PPP4R1: variants seen among roughly 807,000 people sequenced by gnomAD.
The protein encoded by PPP4R1 is protein phosphatase 4 regulatory subunit 1, also known as serine/threonine-protein phosphatase 4 regulatory subunit 1.
A neutral mutation model predicts 111.2 loss-of-function variants in PPP4R1; 42 were observed. The ratio of observed to expected loss-of-function variants is 0.38; its 90% CI spans 0.29 to 0.49. The LOEUF (loss-of-function observed/expected upper bound fraction) is 0.49. Among genes scored for constraint, PPP4R1 ranks in the 20% least tolerant of loss-of-function variants. The probability of loss-of-function intolerance (pLI) is 0.97; values close to 1 mark genes in which losing one functional copy is unlikely to be tolerated. For missense variants in PPP4R1, 1,012 were observed against 1,161.6 expected, an observed-to-expected ratio of 0.87 and a Z score of 1.87; for synonymous variants, 409 against 405.5, an observed-to-expected ratio of 1.01 and a Z score of -0.10.
chr18:9,577,301 G>T, intron 9 of PPP4R1, 110 bp from the exon 10 acceptor site: 1 of 1,192,304 alleles, frequency 8.4e-7, no homozygotes, highest in Non-Finnish European at 1.2e-6. Context: ...GTATGTTTAG[G>T]ATAATAATGA....
chr18:9,597,790 G>A (rs1290772306), intron 2 of PPP4R1, among the ~76,000 whole-genome samples: 1 of 152,048 alleles, frequency 6.6e-6, no homozygotes, highest in Non-Finnish European at 1.5e-5. Flanking sequence ...ACTCTACAAT[G>A]TCTAGCATCC....
intron 10 of PPP4R1, among the ~76,000 whole-genome samples, chr18:9,572,751 TTCA>T (rs1422454710): frequency 6.6e-6 from 1 of 152,236 alleles, no homozygotes; most frequent in East Asian, 1.9e-4. Flanking sequence ...AACCATTATT[TTCA>T]CAAACAGGTG....
At chr18:9,601,251 G>A (rs931426342) in intron 2 of PPP4R1, among the ~76,000 whole-genome samples, 11 of 150,838 alleles carry the variant, frequency 7.3e-5, no homozygotes, top group Middle Eastern at 3.5e-3. Flanking sequence ...GGCCGGGAAC[G>A]GTGGCTCATG....
At chr18:9,560,229 T>C (rs2066651415) in intron 13 of PPP4R1, among the ~76,000 whole-genome samples, 1 of 152,146 alleles carries the variant, frequency 6.6e-6, no homozygotes, top group Non-Finnish European at 1.5e-5. Context: ...TGCAGTGAGC[T>C]GGGATAGCAC....
chr18:9,612,588 G>A (rs940734060), intron 2 of PPP4R1: 3 of 152,182 alleles, frequency 2.0e-5, no homozygotes, highest in African/African-American at 7.2e-5. Context: ...TTTTGCTCCA[G>A]TCATAAATAC....
chr18:9,581,086 C>T (rs1033973450), intron 9 of PPP4R1, among the ~76,000 whole-genome samples: 1 of 152,052 alleles, frequency 6.6e-6, no homozygotes, highest in Non-Finnish European at 1.5e-5. Context: ...AACAAGCCCC[C>T]ATGGGGGAGC....
At chr18:9,583,586 C>T (rs934540459) in intron 8 of PPP4R1, among the ~76,000 whole-genome samples, 2 of 152,034 alleles carry the variant, frequency 1.3e-5, no homozygotes, top group Admixed American at 6.6e-5. Flanking sequence ...AGGCTGGTCT[C>T]GAACTCCTGA....
At chr18:9,555,044 G>A (rs1418690466) in intron 15 of PPP4R1, among the ~76,000 whole-genome samples, 1 of 152,204 alleles carries the variant, frequency 6.6e-6, no homozygotes, top group East Asian at 1.9e-4. Context: ...GCTCACATCT[G>A]TAATCCCAGA....
intron 15 of PPP4R1, among the ~76,000 whole-genome samples, chr18:9,554,366 T>A (rs1364100300): frequency 1.3e-5 from 2 of 152,092 alleles, no homozygotes; most frequent in African/African-American, 4.8e-5. Context: ...TGACCTCAGG[T>A]GATCCGCTCG....
chr18:9,572,251 G>A (rs543020874), intron 10 of PPP4R1, among the ~76,000 whole-genome samples: 1 of 152,160 alleles, frequency 6.6e-6, no homozygotes, highest in African/African-American at 2.4e-5. Flanking sequence ...GCTGACATAT[G>A]CGGAGGCAAC....
intron 2 of PPP4R1, among the ~76,000 whole-genome samples, chr18:9,599,046 A>G (rs1026582095): frequency 3.9e-5 from 6 of 152,110 alleles, no homozygotes; most frequent in South Asian, 4.2e-4. Flanking sequence ...AAGAAAGAAA[A>G]AAAAAAGGTT....
chr18:9,550,519 A>G, intron 16 of PPP4R1, 121 bp from the exon 17 acceptor site: 3 of 1,171,920 alleles, frequency 2.6e-6, no homozygotes, highest in Non-Finnish European at 2.4e-6. Flanking sequence ...ACATACGCAA[A>G]GAGGAGTGAT....
At chr18:9,604,631 C>T (rs557126483) in intron 2 of PPP4R1, among the ~76,000 whole-genome samples, 1 of 152,252 alleles carries the variant, frequency 6.6e-6, no homozygotes, top group East Asian at 1.9e-4. Context: ...GAGGCATTTT[C>T]TATTTTCTAA....
chr18:9,580,054 T>A (rs1235000167), intron 9 of PPP4R1, among the ~76,000 whole-genome samples: 1 of 152,170 alleles, frequency 6.6e-6, no homozygotes, highest in East Asian at 1.9e-4. Context: ...TGTTAATCTT[T>A]TCTAACAAGC....
At chr18:9,552,096 A>G (rs2066498766) in intron 16 of PPP4R1, among the ~76,000 whole-genome samples, 1 of 152,234 alleles carries the variant, frequency 6.6e-6, no homozygotes, top group Non-Finnish European at 1.5e-5. Flanking sequence ...ATACTGAAAG[A>G]CAAACTGTCA....
chr18:9,551,628 C>T (rs1015521375), intron 16 of PPP4R1: 2 of 152,220 alleles, frequency 1.3e-5, no homozygotes, highest in African/African-American at 4.8e-5. Flanking sequence ...GCCCTTTTCT[C>T]GTGCAAAGCA....
chr18:9,557,918 C>T (rs2066613833), intron 14 of PPP4R1, among the ~76,000 whole-genome samples: 1 of 152,190 alleles, frequency 6.6e-6, no homozygotes, highest in Admixed American at 6.5e-5. Context: ...CTTCAGATTC[C>T]TGTACAGCCA....
intron 11 of PPP4R1, among the ~76,000 whole-genome samples, chr18:9,565,799 C>A (rs2066755224): frequency 6.6e-6 from 1 of 152,178 alleles, no homozygotes; most frequent in Admixed American, 6.5e-5. Context: ...GGAGCCATCT[C>A]CATAACATAG....
Position 9,550,144 on chromosome 18 carries a change from T to TTGG in PPP4R1, c.2452_2454dup (p.Pro818dup). ...TCATTGATGAGGTCCACTCCGAACGTTGGTGGTGTTGCCGCGTGCAGCTTC... is the reference window on the plus strand; with the variant it reads ...TCATTGATGAGGTCCACTCCGAACGTTGGTGGTGGTGTTGCCGCGTGCAGCTTC... On this transcript the variant is annotated inframe_insertion, in exon 18 of 20. Coordinates refer to ENST00000400556, the MANE Select transcript of PPP4R1 (RefSeq NM_001042388.3). 1 of 1,614,160 alleles carries TTGG rather than the reference T, an allele frequency of 6.2e-7. No homozygotes were observed. Among genetic ancestry groups the TTGG allele is most frequent in the Non-Finnish European group, 8.5e-7 (1 of 1,180,026 alleles).
Sources: gnomAD v4.1 joint callset for allele counts (sites outside exome capture counted in the v4.1 genomes callset) on GRCh38, gnomAD v4.1.1 for gene constraint, MANE v1.5 for transcripts, NCBI Gene and HGNC (gene_info 2026-07-23, HGNC 2026-07-21) for gene names.